Variants in PTPRD observed in about 807,000 individuals in gnomAD.
The protein encoded by PTPRD is protein tyrosine phosphatase receptor type D.
PTPRD carries 34 observed loss-of-function variants against 214.5 expected under a neutral mutation model. The ratio of observed to expected loss-of-function variants is 0.16; its 90% CI spans 0.12 to 0.21. The LOEUF (loss-of-function observed/expected upper bound fraction) is 0.21. Among genes scored for constraint, PTPRD ranks in the 10% least tolerant of loss-of-function variants. PTPRD has a pLI of 1.00. For missense variants in PTPRD, 2,545 were observed against 2,398.7 expected, an observed-to-expected ratio of 1.06 and a Z score of -1.27; for synonymous variants, 1,128 against 845.7, an observed-to-expected ratio of 1.33 and a Z score of -5.79.
chr9:8,741,046 A>G (rs1045914854), intron 11 of PTPRD, among the ~76,000 whole-genome samples: 1 of 152,194 alleles, frequency 6.6e-6, no homozygotes, highest in African/African-American at 2.4e-5. Flanking sequence ...TTTCCAAATT[A>G]TTATTGATGC....
intron 12 of PTPRD, among the ~76,000 whole-genome samples, chr9:8,648,393 C>T (rs538105200): frequency 2.1e-4 from 32 of 152,236 alleles, no homozygotes; most frequent in African/African-American, 7.5e-4. Flanking sequence ...CTCAAAATAA[C>T]CACTGGTTTA....
At chr9:9,962,696 G>A (rs1012582633) in intron 4 of PTPRD, among the ~76,000 whole-genome samples, 1 of 151,942 alleles carries the variant, frequency 6.6e-6, no homozygotes, top group African/African-American at 2.4e-5. Context: ...TCTAATTGTT[G>A]TATGTATCTA....
At chr9:8,704,064 T>C (rs2098146628) in intron 12 of PTPRD, among the ~76,000 whole-genome samples, 1 of 152,166 alleles carries the variant, frequency 6.6e-6, no homozygotes, top group Non-Finnish European at 1.5e-5. Context: ...CCTGCCTACA[T>C]ATTTCTGGCA....
chr9:8,660,798 C>G (rs2097027424), intron 12 of PTPRD, among the ~76,000 whole-genome samples: 1 of 152,144 alleles, frequency 6.6e-6, no homozygotes. Flanking sequence ...TCCACTTACT[C>G]TTTACCTTTT....
chr9:9,117,968 T>A (rs1302847989), intron 10 of PTPRD, among the ~76,000 whole-genome samples: 2 of 152,208 alleles, frequency 1.3e-5, no homozygotes, highest in Non-Finnish European at 1.5e-5. Flanking sequence ...AAATAAATTT[T>A]AAAATTACAA....
intron 12 of PTPRD, among the ~76,000 whole-genome samples, chr9:8,662,956 G>C (rs1372340739): frequency 1.3e-5 from 2 of 152,070 alleles, no homozygotes; most frequent in African/African-American, 4.8e-5. Flanking sequence ...ACCAGGGAAG[G>C]AATTCCTGGT....
chr9:8,854,562 A>C (rs1291481847), intron 11 of PTPRD, among the ~76,000 whole-genome samples: 2 of 152,210 alleles, frequency 1.3e-5, no homozygotes, highest in Non-Finnish European at 2.9e-5. Flanking sequence ...CAGTTTGAAA[A>C]ATTGAAAATC....
intron 10 of PTPRD, among the ~76,000 whole-genome samples, chr9:9,132,872 A>G (rs2099844892): frequency 6.6e-6 from 1 of 152,228 alleles, no homozygotes; most frequent in Non-Finnish European, 1.5e-5. Flanking sequence ...ATTAAGTGCT[A>G]TATAAAAGAA....
At chr9:9,451,304 A>G (rs1232802033) in intron 8 of PTPRD, among the ~76,000 whole-genome samples, 4 of 151,822 alleles carry the variant, frequency 2.6e-5, no homozygotes, top group Non-Finnish European at 4.4e-5. Flanking sequence ...GCTATAGGAA[A>G]ACACTTCATC....
intron 5 of PTPRD, among the ~76,000 whole-genome samples, chr9:9,850,057 C>A (rs1043542648): frequency 1.1e-4 from 17 of 152,082 alleles, no homozygotes; most frequent in Admixed American, 6.6e-5. Context: ...AGTAGTTACC[C>A]AGATATTCCA....
chr9:8,969,652 G>A (rs529888045), intron 11 of PTPRD, among the ~76,000 whole-genome samples: 11 of 152,010 alleles, frequency 7.2e-5, no homozygotes, highest in African/African-American at 2.6e-4. Flanking sequence ...GCTATTAGGG[G>A]AGAGAAATGG....
At chr9:10,291,879 C>T (rs576858530) in intron 3 of PTPRD, among the ~76,000 whole-genome samples, 2 of 152,044 alleles carry the variant, frequency 1.3e-5, no homozygotes, top group Non-Finnish European at 2.9e-5. Context: ...CTTGGAGCCA[C>T]TCATTTATAG....
chr9:9,117,929 T>C (rs969289776), intron 10 of PTPRD, among the ~76,000 whole-genome samples: 1 of 152,164 alleles, frequency 6.6e-6, no homozygotes, highest in Non-Finnish European at 1.5e-5. Flanking sequence ...ATCTGAAGTT[T>C]ACACGATGTT....
intron 3 of PTPRD, among the ~76,000 whole-genome samples, chr9:10,302,743 G>A (rs1012877957): frequency 6.6e-5 from 10 of 152,152 alleles, no homozygotes; most frequent in African/African-American, 2.4e-4. Flanking sequence ...ACCCAATACA[G>A]GAGCACCCAG....
At chr9:9,005,616 A>C (rs192583647) in intron 11 of PTPRD, among the ~76,000 whole-genome samples, 114 of 152,152 alleles carry the variant, frequency 7.5e-4, no homozygotes, top group African/African-American at 2.7e-3. Context: ...GTATAAGAAG[A>C]CTAAAATTCT....
chr9:10,197,479 T>C lies in PTPRD; in HGVS notation c.-545+143484A>G, dbSNP rs1186539400. Among the ~76,000 whole-genome samples the C allele has an allele frequency of 3.3e-5, 5 of 152,148 alleles. No homozygotes were observed. The East Asian group carries it at 5.8e-4, about 18-fold the overall frequency. On this transcript the variant is annotated intron_variant, in intron 3 of 45. Transcript: ENST00000381196. ...ATGCAACAGGAGGCATTACTCCCTA[T>C]ATAATTTTATCATATTTTTCCTCTT...
At position 10,012,598 on chromosome 9, in the gene PTPRD, G is replaced by C. The variant is rs1304318480; in HGVS notation, c.-472+21120C>G. Among the ~76,000 whole-genome samples the C allele has an allele frequency of 2.0e-5, 3 of 151,834 alleles. No individual in the cohort carries two copies. In the East Asian group the frequency reaches 5.8e-4, roughly 29 times the overall value. ...AAGTCTAGTAGACAAGAATGCTATA[G>C]GAAAATGTCAGATTTTACTCACTAT... On this transcript the variant is annotated intron_variant, in intron 4 of 45. Transcript: ENST00000381196.
chr9:10,441,528 T>C (rs1318564049), intron 2 of PTPRD, among the ~76,000 whole-genome samples: 5 of 150,642 alleles, frequency 3.3e-5, no homozygotes, highest in African/African-American at 4.9e-5. Context: ...GTAAAAACTT[T>C]CCAATTGCTT....
chr9:10,420,135 G>A (rs1296200212), intron 2 of PTPRD, among the ~76,000 whole-genome samples: 1 of 151,744 alleles, frequency 6.6e-6, no homozygotes, highest in Admixed American at 6.6e-5. Flanking sequence ...GGAAGAAAAG[G>A]AAGGAAAAGG....
Sources: gnomAD v4.1 joint callset for allele counts (sites outside exome capture counted in the v4.1 genomes callset) on GRCh38, gnomAD v4.1.1 for gene constraint, MANE v1.5 for transcripts, NCBI Gene and HGNC (gene_info 2026-07-23, HGNC 2026-07-21) for gene names.